SPATS2: variants seen among roughly 807,000 people sequenced by gnomAD.
SPATS2 encodes the protein spermatogenesis associated serine rich 2.
A neutral mutation model predicts 63.7 loss-of-function variants in SPATS2; 38 were observed. The ratio of observed to expected loss-of-function variants is 0.60; its 90% CI spans 0.46 to 0.78. The LOEUF (loss-of-function observed/expected upper bound fraction) is 0.78, where lower values mean the gene tolerates loss of function less well. Ranked by LOEUF, SPATS2 falls within the 30% of genes least tolerant of loss-of-function variation. The pLI, the probability that SPATS2 is intolerant of heterozygous loss-of-function variation, is 0.00. For synonymous variants in SPATS2, 207 were observed against 232.9 expected, an observed-to-expected ratio of 0.89 and a Z score of 1.01; for missense variants, 588 against 666.2, an observed-to-expected ratio of 0.88 and a Z score of 1.29.
intron 2 of SPATS2, among the ~76,000 whole-genome samples, chr12:49,402,734 G>A (rs79546663): frequency 0.092 from 14,011 of 152,108 alleles, 753 homozygotes; most frequent in African/African-American, 0.14. Context: ...AGAAGAAGGG[G>A]GTAGTGGTGG....
At chr12:49,459,299 A>G (rs1565732577) in intron 2 of SPATS2, among the ~76,000 whole-genome samples, 1 of 152,118 alleles carries the variant, frequency 6.6e-6, no homozygotes, top group Non-Finnish European at 1.5e-5. Flanking sequence ...GTGCCTGCCC[A>G]CCAGACACCT....
At chr12:49,408,756 A>T (rs747543525) in intron 2 of SPATS2, among the ~76,000 whole-genome samples, 1 of 151,932 alleles carries the variant, frequency 6.6e-6, no homozygotes, top group Admixed American at 6.6e-5. Flanking sequence ...GGGTATCGCC[A>T]TGTTGGCCAG....
intron 2 of SPATS2, among the ~76,000 whole-genome samples, chr12:49,385,357 A>AGTGTGTGT (rs57896651): frequency 0.1 from 14,178 of 141,888 alleles, 708 homozygotes; most frequent in African/African-American, 0.12. Context: ...TAAGTATATA[A>AGTGTGTGT]GTGTGTGTGT....
chr12:49,526,414 C>T lies in SPATS2; in HGVS notation c.*159C>T. The T allele has an allele frequency of 1.1e-6, 1 of 886,338 alleles. No homozygotes were observed. 54.9% of individuals were successfully genotyped at this position (886,338 alleles called of 1,614,324 possible). On this transcript the variant is annotated 3_prime_UTR_variant, in exon 14 of 14. Transcript: ENST00000552918. ...TTGGTTTCTTGTCTCCTTATTTCCT[C>T]TTTACCATTTTTGGAGGGGAAGCTA...
At chr12:49,412,079 T>C (rs1944806838) in intron 2 of SPATS2, among the ~76,000 whole-genome samples, 1 of 152,188 alleles carries the variant, frequency 6.6e-6, no homozygotes, top group Non-Finnish European at 1.5e-5. Flanking sequence ...GTGGTTATTA[T>C]ATGTTAGTGA....
intron 2 of SPATS2, among the ~76,000 whole-genome samples, chr12:49,438,005 T>C (rs951423150): frequency 3.3e-5 from 5 of 152,176 alleles, no homozygotes; most frequent in African/African-American, 1.2e-4. Flanking sequence ...TGTACAAATC[T>C]TAAGGGTAAT....
chr12:49,385,854 TG>T (rs1362926058), intron 2 of SPATS2, among the ~76,000 whole-genome samples: 1 of 131,772 alleles, frequency 7.6e-6, no homozygotes, highest in Non-Finnish European at 1.5e-5. Flanking sequence ...TTTGTTTGTT[TG>T]TTTGTTTGTT....
intron 10 of SPATS2, among the ~76,000 whole-genome samples, chr12:49,516,493 G>C (rs961773384): frequency 4.0e-5 from 6 of 151,762 alleles, no homozygotes; most frequent in African/African-American, 1.5e-4. Context: ...TGATCACGAG[G>C]TCAAGAGATC....
At chr12:49,517,425 C>T (rs978876398) in intron 10 of SPATS2, among the ~76,000 whole-genome samples, 1 of 152,230 alleles carries the variant, frequency 6.6e-6, no homozygotes, top group South Asian at 2.1e-4. Context: ...TTTTTTCTGA[C>T]GTGAATTTGG....
chr12:49,416,527 G>A (rs1356359117), intron 2 of SPATS2, among the ~76,000 whole-genome samples: 2 of 151,580 alleles, frequency 1.3e-5, no homozygotes, highest in African/African-American at 4.9e-5. Context: ...TCGTTCAGTC[G>A]CCCAGGCTGG....
At chr12:49,449,706 G>T (rs1427108419) in intron 2 of SPATS2, among the ~76,000 whole-genome samples, 1 of 152,178 alleles carries the variant, frequency 6.6e-6, no homozygotes, top group Non-Finnish European at 1.5e-5. Context: ...GAAAGTTTGT[G>T]CAGGGGAACT....
intron 2 of SPATS2, among the ~76,000 whole-genome samples, chr12:49,408,505 G>A (rs964315407): frequency 3.3e-5 from 5 of 150,680 alleles, no homozygotes; most frequent in Admixed American, 6.7e-5. Flanking sequence ...CGCCTGCCTT[G>A]GCCTCCCAAA....
chr12:49,504,770 C>CTTTTTTTTTT (rs745453843), intron 9 of SPATS2, among the ~76,000 whole-genome samples: 4 of 98,854 alleles, frequency 4.0e-5, no homozygotes, highest in Non-Finnish European at 8.2e-5. Context: ...TTCTTTCTTT[C>CTTTTTTTTTT]TTTTTTTTTT....
intron 9 of SPATS2, among the ~76,000 whole-genome samples, chr12:49,513,237 T>TGTGTG (rs1565759195): frequency 1.5e-5 from 2 of 135,134 alleles, no homozygotes; most frequent in African/African-American, 2.9e-5. Context: ...GTGTGTGTGT[T>TGTGTG]TGAGTGTGAT....
intron 9 of SPATS2, among the ~76,000 whole-genome samples, chr12:49,511,518 G>C (rs201106708): frequency 6.6e-6 from 1 of 152,042 alleles, no homozygotes; most frequent in East Asian, 1.9e-4. Context: ...ATTCAAGAAA[G>C]CCTTGAGAGA....
chr12:49,424,604 G>A (rs1945040066), intron 2 of SPATS2, among the ~76,000 whole-genome samples: 3 of 152,162 alleles, frequency 2.0e-5, no homozygotes, highest in African/African-American at 4.8e-5. Context: ...ATCTTATATA[G>A]TGTTTACTGT....
At chr12:49,451,942 C>T (rs1436097671) in intron 2 of SPATS2, among the ~76,000 whole-genome samples, 3 of 152,136 alleles carry the variant, frequency 2.0e-5, no homozygotes, top group African/African-American at 7.2e-5. Context: ...TGCCTTCTGG[C>T]TTCTTTTGCT....
In SPATS2 at chr12:49,524,772, C is replaced by T. The variant is rs1947003845; in HGVS notation, c.1202C>T (p.Ala401Val). The T allele has an allele frequency of 2.5e-6, 4 of 1,614,066 alleles. No homozygotes were observed. The highest frequency in any genetic ancestry group is 1.7e-5 in the Admixed American group (1 of 59,988). The change falls in exon 13 of 14, where the codon GCT becomes GTT. Residue 401 changes from alanine to valine, a missense_variant. Transcript: ENST00000552918. ...AGTAGCCCAAGTGATGCCTCTGCTGCTTCCTCTTCCACCTGTGCCTCTCCT... is the reference window on the plus strand; with the variant it reads ...AGTAGCCCAAGTGATGCCTCTGCTGTTTCCTCTTCCACCTGTGCCTCTCCT... Reference protein sequence around the residue: ...SLSSPSDASAASSSTCASPPS... With the variant: ...SLSSPSDASAVSSSTCASPPS...
intron 3 of SPATS2, among the ~76,000 whole-genome samples, chr12:49,467,953 T>C (rs373356659): frequency 6.6e-6 from 1 of 152,160 alleles, no homozygotes; most frequent in East Asian, 1.9e-4. Context: ...CAGGATGGTC[T>C]CGATCTCCTG....
Sources: allele counts gnomAD v4.1 joint callset (sites outside exome capture counted in the v4.1 genomes callset), GRCh38; gene constraint gnomAD v4.1.1; transcripts MANE v1.5; gene names NCBI Gene and HGNC (gene_info 2026-07-23, HGNC 2026-07-21).